The following RAB43 variants were observed in gnomAD, a reference collection of about 807,000 sequenced individuals.
RAB43 encodes RAB43, member RAS oncogene family.
RAB43 carries 6 observed loss-of-function variants against 18.8 expected under a neutral mutation model. The ratio of observed to expected loss-of-function variants is 0.32; its 90% CI spans 0.17 to 0.63. The LOEUF (loss-of-function observed/expected upper bound fraction) is 0.63, where lower values mean the gene tolerates loss of function less well. RAB43 is among the 30% of genes least tolerant of loss of function. The pLI is 0.79. For synonymous variants in RAB43, 103 were observed against 124.1 expected, an observed-to-expected ratio of 0.83 and a Z score of 1.13; for missense variants, 195 against 289.1, an observed-to-expected ratio of 0.67 and a Z score of 2.36.
chr3:129,099,423 G>A (rs1217615489), intron 1 of RAB43, among the ~76,000 whole-genome samples: 1 of 150,700 alleles, frequency 6.6e-6, no homozygotes, highest in Non-Finnish European at 1.5e-5. Context: ...GTTTCGCTCT[G>A]TTGTCCAGGC....
intron 1 of RAB43, among the ~76,000 whole-genome samples, chr3:129,113,172 T>TATTA (rs1360386290): frequency 6.9e-6 from 1 of 144,764 alleles, no homozygotes; most frequent in African/African-American, 2.6e-5. Context: ...TTATTATTAT[T>TATTA]TTTTTTTTTT....
intron 1 of RAB43, among the ~76,000 whole-genome samples, chr3:129,112,611 C>T (rs1935240686): frequency 6.6e-6 from 1 of 152,210 alleles, no homozygotes; most frequent in South Asian, 2.1e-4. Context: ...GACGTCACCT[C>T]AGAAGGCAGT....
At position 129,090,157 on chromosome 3, in the gene RAB43, G is replaced by A. The variant is rs1026339617; in HGVS notation, c.*939C>T. ...CCAGGGCCTCTCCTTTTTTGTCTGG[G>A]AGACTCGATTCCATAGACTGGGACC... On this transcript the variant is annotated 3_prime_UTR_variant, in exon 3 of 3. Coordinates refer to ENST00000315150, the MANE Select transcript of RAB43 (RefSeq NM_198490.3). 4 of 152,106 alleles carry A rather than the reference G, an allele frequency of 2.6e-5. No homozygotes were observed. The highest frequency in any genetic ancestry group is 6.6e-5 in the Admixed American group (1 of 15,246). 9.4% of individuals were successfully genotyped at this position (152,106 alleles called of 1,614,324 possible).
chr3:129,107,245 G>A lies in RAB43; in HGVS notation c.205-12076C>T, dbSNP rs559869558. Reference sequence around the variant, plus strand: ...CCTTTACCATGGACGCGGCTCCTCCGCAAGCACATAGAAACTGCTTCCAAG... The same window carrying A: ...CCTTTACCATGGACGCGGCTCCTCCACAAGCACATAGAAACTGCTTCCAAG... On this transcript the variant is annotated intron_variant, in intron 1 of 2. Transcript: ENST00000315150. This position sits in a 1 kb window ranked among gnomAD's most constrained non-coding sequence, Gnocchi z 4.2. 4.5e-4 allele frequency among the ~76,000 whole-genome samples: 69 copies of A among 152,270 alleles called. No homozygotes were observed. Among genetic ancestry groups the A allele is most frequent in the African/African-American group, 1.5e-3 (64 of 41,560 alleles).
chr3:129,100,343 C>T (rs1445615125), intron 1 of RAB43, among the ~76,000 whole-genome samples: 1 of 152,134 alleles, frequency 6.6e-6, no homozygotes, highest in Admixed American at 6.5e-5. Flanking sequence ...GAGAGAAGCT[C>T]CTTGGAAAAA....
chr3:129,092,417 TTCAG>T, intron 2 of RAB43: 1 of 636,422 alleles, frequency 1.6e-6, no homozygotes, highest in East Asian at 3.0e-5. Context: ...GAGGTTGGAC[TTCAG>T]TTGCTAATTG....
Position 129,092,771 on chromosome 3 carries a change from A to G in RAB43, c.389-1425T>C, listed in dbSNP as rs1342989216. On this transcript the variant is annotated intron_variant, in intron 2 of 2. Transcript: ENST00000315150. ...GGAAATCGAGACCATCCTGGCTAAC[A>G]TGGTGAAACCCCGTCTCTACTAAAA... 2.0e-5 allele frequency among the ~76,000 whole-genome samples: 3 copies of G among 151,838 alleles called. No homozygotes were observed. In the East Asian group the frequency reaches 5.8e-4, roughly 30 times the overall value.
rs868847337 is a variant in RAB43, at chr3:129,115,245, T to C, written c.204+6041A>G. Among the ~76,000 whole-genome samples the C allele has an allele frequency of 4.6e-5, 7 of 152,012 alleles. No individual in the cohort carries two copies. In the Middle Eastern group the frequency reaches 0.017, roughly 369 times the overall value. Reference sequence around the variant, plus strand: ...GCTCATGCCTGTAATTCCAGCACTTTGGGAGGCCGAGGTGGGTAGATCACC... The same window carrying C: ...GCTCATGCCTGTAATTCCAGCACTTCGGGAGGCCGAGGTGGGTAGATCACC... On this transcript the variant is annotated intron_variant, in intron 1 of 2. Coordinates refer to ENST00000315150, the MANE Select transcript of RAB43 (RefSeq NM_198490.3).
At position 129,091,231 on chromosome 3, in the gene RAB43, G is replaced by A. The variant is rs766579971; in HGVS notation, c.504C>T (p.Asn168=). 1.9e-5 allele frequency: 30 copies of A among 1,594,168 alleles called. No individual in the cohort carries two copies. The highest frequency in any genetic ancestry group is 1.5e-4 in the African/African-American group (11 of 74,636). Reference sequence around the variant, plus strand: ...CCACCCTCAGGAAGGCCTCCTCCACGTTGCTCGAGTCCTTGGCAGACGTCT... The same window carrying A: ...CCACCCTCAGGAAGGCCTCCTCCACATTGCTCGAGTCCTTGGCAGACGTCT... ...AIETSAKDSS[N]VEEAFLRVAT... The change falls in exon 3 of 3, where the codon AAC becomes AAT. Residue 168 remains asparagine, a synonymous_variant. Transcript: ENST00000315150.
chr3:129,097,811 T>C (rs1472013051), intron 1 of RAB43, among the ~76,000 whole-genome samples: 1 of 151,866 alleles, frequency 6.6e-6, no homozygotes, highest in African/African-American at 2.4e-5. Flanking sequence ...AGGCTGTCGT[T>C]TTTGGAATGT....
At chr3:129,111,646 G>C (rs1481615964) in intron 1 of RAB43, among the ~76,000 whole-genome samples, 1 of 151,862 alleles carries the variant, frequency 6.6e-6, no homozygotes, top group Non-Finnish European at 1.5e-5. Flanking sequence ...TTCTGGGAAA[G>C]AAACCCAAAG....
At chr3:129,117,663 C>G (rs1166396328) in intron 1 of RAB43, among the ~76,000 whole-genome samples, 1 of 152,252 alleles carries the variant, frequency 6.6e-6, no homozygotes, top group Non-Finnish European at 1.5e-5. Context: ...CCACATTCTT[C>G]TCTCAGTGAA....
At chr3:129,112,247 C>A (rs1183434007) in intron 1 of RAB43, among the ~76,000 whole-genome samples, 1 of 150,244 alleles carries the variant, frequency 6.7e-6, no homozygotes, top group Non-Finnish European at 1.5e-5. Context: ...CAGAGTGAGA[C>A]CTTGAGACCC....
rs766520036 is a variant in RAB43 at position 129,091,159 on chromosome 3, C to T, written c.576G>A (p.Lys192=). ...MRHGGPLFSE[K]SPDHIQLNSK... ...TGTTCAGCTGGATGTGGTCGGGGCT[C>T]TTCTCGCTGAACAAGGGGCCCCCGT... Residue 192 remains lysine, a synonymous_variant, in exon 3 of 3, where the codon AAG becomes AAA. Transcript: ENST00000315150. 6.3e-7 allele frequency: 1 copy of T among 1,575,776 alleles called. No individual in the cohort carries two copies. The highest frequency in any genetic ancestry group is 8.6e-7 in the Non-Finnish European group (1 of 1,157,086).
intron 1 of RAB43, among the ~76,000 whole-genome samples, chr3:129,114,649 G>A (rs943112955): frequency 2.6e-5 from 4 of 152,142 alleles, no homozygotes; most frequent in Admixed American, 6.5e-5. Flanking sequence ...ATCACAGCCC[G>A]AGCACTACAC....
At chr3:129,100,931 C>T (rs766574268) in intron 1 of RAB43, among the ~76,000 whole-genome samples, 13 of 152,218 alleles carry the variant, frequency 8.5e-5, no homozygotes, top group Non-Finnish European at 1.9e-4. Flanking sequence ...CTCAGCCTCC[C>T]GAGTAGCTGG....
At chr3:129,109,907 T>C (rs1260154034) in intron 1 of RAB43, among the ~76,000 whole-genome samples, 1 of 151,574 alleles carries the variant, frequency 6.6e-6, no homozygotes, top group East Asian at 2.0e-4. Context: ...CTCTGTCACT[T>C]AGGCTGGAGT....
chr3:129,121,059 C>T (rs1935878762), intron 1 of RAB43, among the ~76,000 whole-genome samples: 1 of 125,290 alleles, frequency 8.0e-6, no homozygotes, highest in Non-Finnish European at 1.6e-5. Flanking sequence ...GCCTCCTCCA[C>T]ACTCCCTCGC....
intron 1 of RAB43, among the ~76,000 whole-genome samples, chr3:129,097,490 C>G (rs1048197882): frequency 5.3e-5 from 8 of 152,142 alleles, no homozygotes; most frequent in Non-Finnish European, 1.0e-4. Context: ...ATACAGTCCT[C>G]GAAAAATTCA....
Sources: allele counts gnomAD v4.1 joint callset (sites outside exome capture counted in the v4.1 genomes callset), GRCh38; gene constraint gnomAD v4.1.1; non-coding constraint Gnocchi (gnomAD v3.1); transcripts MANE v1.5; gene names NCBI Gene and HGNC (gene_info 2026-07-23, HGNC 2026-07-21).